Variants in TNS3 observed in about 807,000 individuals in gnomAD.
The protein encoded by TNS3 is tensin 3, also known as tensin-3.
In TNS3, 45 loss-of-function variants were observed where a neutral mutation model predicts 140.9. That is an observed-to-expected ratio of 0.32 (90% CI 0.25 to 0.41). The LOEUF (loss-of-function observed/expected upper bound fraction) is 0.41, where lower values mean the gene tolerates loss of function less well. TNS3 is among the 10% of genes least tolerant of loss of function. The pLI, the probability that TNS3 is intolerant of heterozygous loss-of-function variation, is 1.00. For synonymous variants in TNS3, 815 were observed against 788.4 expected (o/e 1.03, Z -0.56); for missense variants, 1,716 against 1,906.7 (o/e 0.90, Z 1.86).
At chr7:47,319,381 GAGAGAGAGAGTGAGAGAGTGAT>G (rs1217335977) in intron 20 of TNS3, among the ~76,000 whole-genome samples, 1 of 151,706 alleles carries the variant, frequency 6.6e-6, no homozygotes, top group Non-Finnish European at 1.5e-5. Context: ...AGGAAGGCGA[GAGAGAGAGAGTGAGAGAGTGAT>G]AGAGAGAGAG....
At chr7:47,427,825 T>G (rs948995464) in intron 9 of TNS3, among the ~76,000 whole-genome samples, 3 of 152,166 alleles carry the variant, frequency 2.0e-5, no homozygotes, top group Non-Finnish European at 2.9e-5. Context: ...ATGGGAATGA[T>G]AGTAACTGCC....
rs539618371 is a variant in TNS3 at position 47,352,594 on chromosome 7, G to A, written c.2282-6238C>T. On this transcript the variant is annotated intron_variant, in intron 17 of 30. Coordinates refer to ENST00000311160, the MANE Select transcript of TNS3 (RefSeq NM_022748.12). ...GAGCTGCCTGTCAGGAAGCCAGGGC[G>A]CTGGCTGTTCCTGGAGGTCCGTCCT... is the stretch of plus-strand genomic sequence containing the variant. Among the ~76,000 whole-genome samples, 6 of 152,312 alleles carry A rather than the reference G, an allele frequency of 3.9e-5. No individual in the cohort carries two copies. The East Asian group carries it at 7.7e-4, about 20-fold the overall frequency.
At chr7:47,503,953 G>T (rs73695365) in intron 3 of TNS3, among the ~76,000 whole-genome samples, 2,926 of 152,096 alleles carry the variant, frequency 0.019, 113 homozygotes, top group African/African-American at 0.068. Context: ...CTCCACCCTC[G>T]CGACCTAATC....
chr7:47,312,955 A>C (rs1584377328), intron 20 of TNS3, among the ~76,000 whole-genome samples: 1 of 152,202 alleles, frequency 6.6e-6, no homozygotes, highest in East Asian at 1.9e-4. Flanking sequence ...CATGGCCTAC[A>C]CCAGCCGGAG....
At chr7:47,339,043 T>C (rs2462642) in intron 20 of TNS3, among the ~76,000 whole-genome samples, 82,419 of 152,008 alleles carry the variant, frequency 0.54, 22,682 homozygotes, top group Middle Eastern at 0.62. Flanking sequence ...GCTCATTTTC[T>C]AAGTGAATTG....
At chr7:47,422,101 C>T (rs547536751) in intron 10 of TNS3, among the ~76,000 whole-genome samples, 1 of 152,260 alleles carries the variant, frequency 6.6e-6, no homozygotes, top group South Asian at 2.1e-4. Context: ...TGCATTCATT[C>T]GTTTACATGC....
At chr7:47,293,623 T>C (rs1329628728) in intron 25 of TNS3, 110 bp downstream of exon 25, 2 of 900,794 alleles carry the variant, frequency 2.2e-6, no homozygotes, top group Non-Finnish European at 3.6e-6. Flanking sequence ...GGGACTGAAA[T>C]ATGAGTAAAC....
intron 27 of TNS3, among the ~76,000 whole-genome samples, chr7:47,288,515 C>A (rs1785535131): frequency 6.6e-6 from 1 of 152,218 alleles, no homozygotes; most frequent in Non-Finnish European, 1.5e-5. Flanking sequence ...GTAGCCCTGT[C>A]TCCTCAGTTG....
At chr7:47,460,043 C>T (rs556695891) in intron 4 of TNS3, among the ~76,000 whole-genome samples, 1 of 152,048 alleles carries the variant, frequency 6.6e-6, no homozygotes, top group South Asian at 2.1e-4. Context: ...GAAACCTCGT[C>T]TCTACTAAAA....
At chr7:47,511,369 A>C (rs959023957) in intron 2 of TNS3, among the ~76,000 whole-genome samples, 2 of 150,866 alleles carry the variant, frequency 1.3e-5, no homozygotes, top group Non-Finnish European at 3.0e-5. Flanking sequence ...ACAGAATCAC[A>C]AAAAAAAATG....
At chr7:47,531,590 T>C (rs1799405388) in intron 1 of TNS3, among the ~76,000 whole-genome samples, 1 of 152,240 alleles carries the variant, frequency 6.6e-6, no homozygotes, top group African/African-American at 2.4e-5. Context: ...ATTAACTGTT[T>C]AAACAATAGT....
At chr7:47,547,158 G>C (rs1799943709) in intron 1 of TNS3, among the ~76,000 whole-genome samples, 1 of 152,216 alleles carries the variant, frequency 6.6e-6, no homozygotes, top group Non-Finnish European at 1.5e-5. Context: ...CCAGGGTGAG[G>C]AGGGAGGGAG....
chr7:47,395,928 T>C (rs1476397206), intron 16 of TNS3, among the ~76,000 whole-genome samples: 2 of 152,212 alleles, frequency 1.3e-5, no homozygotes, highest in African/African-American at 4.8e-5. Flanking sequence ...GGACACACAA[T>C]TGGTGTCCTT....
chr7:47,401,965 G>A (rs899679446), intron 13 of TNS3, among the ~76,000 whole-genome samples: 7 of 152,202 alleles, frequency 4.6e-5, no homozygotes, highest in Non-Finnish European at 8.8e-5. Context: ...AGACAGCCAC[G>A]TTCCCATAAA....
At chr7:47,489,776 A>C (rs1562798433) in intron 3 of TNS3, among the ~76,000 whole-genome samples, 1 of 152,230 alleles carries the variant, frequency 6.6e-6, no homozygotes, top group Non-Finnish European at 1.5e-5. Flanking sequence ...GATCACTTGC[A>C]TGCTGTATAC....
chr7:47,377,425 G>A (rs1217438074), intron 16 of TNS3, among the ~76,000 whole-genome samples: 3 of 152,200 alleles, frequency 2.0e-5, no homozygotes, highest in Non-Finnish European at 4.4e-5. Context: ...ACACAAATGG[G>A]TGTGGTCGGG....
At chr7:47,322,154 T>G (rs1787770965) in intron 20 of TNS3, among the ~76,000 whole-genome samples, 1 of 137,778 alleles carries the variant, frequency 7.3e-6, no homozygotes, top group East Asian at 2.1e-4. Flanking sequence ...AGAAGGAAGC[T>G]GATGCAACAG....
At chr7:47,539,398 A>C in intron 1 of TNS3, 1 of 322,942 alleles carries the variant, frequency 3.1e-6, no homozygotes, top group Non-Finnish European at 6.1e-6. Flanking sequence ...AGGACAACAA[A>C]CTGATTTTTC....
chr7:47,476,993 C>T (rs530070234), intron 4 of TNS3, among the ~76,000 whole-genome samples: 4 of 152,328 alleles, frequency 2.6e-5, no homozygotes, highest in Admixed American at 1.3e-4. Context: ...TAAATAGCCA[C>T]GGGTTCAATG....
Sources: gnomAD v4.1 joint callset for allele counts (sites outside exome capture counted in the v4.1 genomes callset) on GRCh38, gnomAD v4.1.1 for gene constraint, MANE v1.5 for transcripts, NCBI Gene and HGNC (gene_info 2026-07-23, HGNC 2026-07-21) for gene names.